The following PID1 variants were observed in gnomAD, a reference collection of about 807,000 sequenced individuals.
The protein encoded by PID1 is phosphotyrosine interaction domain containing 1.
PID1 carries 10 observed loss-of-function variants against 19.1 expected under a neutral mutation model. The observed-to-expected ratio is 0.52, with a 90% CI of 0.32 to 0.89. The LOEUF (loss-of-function observed/expected upper bound fraction) is 0.89. Among genes scored for constraint, PID1 ranks in the 40% least tolerant of loss-of-function variants. The probability of loss-of-function intolerance (pLI) is 0.03; values close to 1 mark genes in which losing one functional copy is unlikely to be tolerated. For missense variants in PID1, 248 were observed against 285.3 expected (o/e 0.87, Z 0.94); for synonymous variants, 130 against 116.0 (o/e 1.12, Z -0.78).
chr2:229,156,239 T>G (rs966725696), intron 1 of PID1, among the ~76,000 whole-genome samples: 1 of 152,188 alleles, frequency 6.6e-6, no homozygotes, highest in Non-Finnish European at 1.5e-5. Flanking sequence ...TGAGAAGCTC[T>G]TCCAACGTAC....
rs1689787738 is a variant in PID1, at chr2:229,238,716, G to T, written c.30+32298C>A. Among the ~76,000 whole-genome samples the T allele has an allele frequency of 2.0e-5, 3 of 151,918 alleles. No homozygotes were observed. In the South Asian group the frequency reaches 6.3e-4, roughly 32 times the overall value. ...AACGAGTAAGTCTCTGGCCTCACAG[G>T]GAAGACATGGGCAGGGATAAGAGGA... On this transcript the variant is annotated intron_variant, in intron 1 of 2. Transcript: ENST00000392055.
At chr2:229,085,856 T>C (rs1400045716) in intron 2 of PID1, among the ~76,000 whole-genome samples, 1 of 152,098 alleles carries the variant, frequency 6.6e-6, no homozygotes, top group Non-Finnish European at 1.5e-5. Context: ...GCTGGGAGCA[T>C]GAGGAAGCAT....
At chr2:229,106,600 C>G (rs1035941298) in intron 2 of PID1, among the ~76,000 whole-genome samples, 3 of 152,166 alleles carry the variant, frequency 2.0e-5, no homozygotes, top group African/African-American at 7.2e-5. Context: ...TTGCTCACCC[C>G]CTCCACCATG....
intron 2 of PID1, among the ~76,000 whole-genome samples, chr2:229,067,789 G>A (rs1246722527): frequency 2.0e-5 from 3 of 152,122 alleles, no homozygotes; most frequent in African/African-American, 7.2e-5. Flanking sequence ...CACACAAGAA[G>A]CTCTGTGGTG....
intron 2 of PID1, among the ~76,000 whole-genome samples, chr2:229,068,818 G>A (rs1226969983): frequency 2.0e-5 from 3 of 152,150 alleles, no homozygotes; most frequent in African/African-American, 7.2e-5. Context: ...CACCCACAGA[G>A]GTTAAGTCAC....
At chr2:229,063,646 CT>C (rs1463639868) in intron 2 of PID1, among the ~76,000 whole-genome samples, 1 of 151,990 alleles carries the variant, frequency 6.6e-6, no homozygotes, top group African/African-American at 2.4e-5. Flanking sequence ...TCCATTTGAT[CT>C]ATAATGTTAT....
At chr2:229,173,879 C>T (rs1266552803) in intron 1 of PID1, among the ~76,000 whole-genome samples, 3 of 152,132 alleles carry the variant, frequency 2.0e-5, no homozygotes, top group Non-Finnish European at 4.4e-5. Flanking sequence ...AGCTCCCTGG[C>T]CCTGCAAGTG....
intron 2 of PID1, among the ~76,000 whole-genome samples, chr2:229,147,405 A>C (rs1351372612): frequency 6.6e-6 from 1 of 152,124 alleles, no homozygotes; most frequent in Non-Finnish European, 1.5e-5. Context: ...ATAAGCAAAA[A>C]AGTAGGAAAA....
intron 1 of PID1, among the ~76,000 whole-genome samples, chr2:229,169,858 G>A (rs1690675358): frequency 6.6e-6 from 1 of 152,142 alleles, no homozygotes; most frequent in East Asian, 1.9e-4. Flanking sequence ...AGATGACTTA[G>A]ACAAACTCCC....
chr2:229,026,058 G>A lies in PID1; in HGVS notation c.228C>T (p.Gly76=). 1 of 1,614,164 alleles carries A rather than the reference G, an allele frequency of 6.2e-7. No individual in the cohort carries two copies. The highest frequency in any genetic ancestry group is 8.5e-7 in the Non-Finnish European group (1 of 1,180,020). ...GCTCAATGACTGGCTTTTCTGTGCA[G>A]CCTGACAAAAACTGCATGCCAGTGG... is the stretch of plus-strand genomic sequence containing the variant. ...VSTTGMQFLS[G]CTEKPVIELW... The change falls in exon 3 of 3, where the codon GGC becomes GGT. Residue 76 remains glycine, a synonymous_variant. Transcript: ENST00000392055.
intron 2 of PID1, among the ~76,000 whole-genome samples, chr2:229,110,824 C>T (rs570061957): frequency 3.9e-5 from 6 of 152,258 alleles, no homozygotes; most frequent in African/African-American, 1.2e-4. Context: ...CTCTTCTGCA[C>T]GTCCTGTGCT....
intron 2 of PID1, among the ~76,000 whole-genome samples, chr2:229,123,479 T>C (rs555999195): frequency 1.5e-4 from 23 of 152,366 alleles, no homozygotes; most frequent in African/African-American, 5.0e-4. Context: ...AATGTTACTA[T>C]GAACATTTGT....
At chr2:229,068,911 TTCCACGATG>T (rs1216753972) in intron 2 of PID1, among the ~76,000 whole-genome samples, 8 of 152,226 alleles carry the variant, frequency 5.3e-5, no homozygotes, top group African/African-American at 1.9e-4. Flanking sequence ...TGTAAACACT[TTCCACGATG>T]TGGTGCAGGC....
At chr2:229,043,773 T>G (rs1693819983) in intron 2 of PID1, among the ~76,000 whole-genome samples, 1 of 152,308 alleles carries the variant, frequency 6.6e-6, no homozygotes, top group Middle Eastern at 3.4e-3. Flanking sequence ...TTCCTTCTGA[T>G]TCATTCAGAA....
At chr2:229,221,779 T>G (rs1021085370) in intron 1 of PID1, among the ~76,000 whole-genome samples, 11 of 152,166 alleles carry the variant, frequency 7.2e-5, no homozygotes, top group African/African-American at 2.7e-4. Flanking sequence ...CCCAGTAAAC[T>G]CAACACGGAA....
At position 229,068,535 on chromosome 2, in the gene PID1, G is replaced by A. The variant is rs114773885; in HGVS notation, c.178-42427C>T. Among the ~76,000 whole-genome samples the A allele has an allele frequency of 5.3e-3, 803 of 152,232 alleles. 9 individuals are homozygous for A. Among genetic ancestry groups the A allele is most frequent in the African/African-American group, 0.019 (785 of 41,536 alleles). ...GGGTGTCAAGGTTCCTTTCCACTAC[G>A]TCATTTTGTCAGTTACAGGTATTTG... On this transcript the variant is annotated intron_variant, in intron 2 of 2. Coordinates refer to ENST00000392055, the MANE Select transcript of PID1 (RefSeq NM_001100818.2).
At chr2:229,072,315 G>T (rs144012927) in intron 2 of PID1, among the ~76,000 whole-genome samples, 2 of 152,286 alleles carry the variant, frequency 1.3e-5, no homozygotes, top group African/African-American at 4.8e-5. Context: ...TAGGCCAGGC[G>T]TGGTGGCTCA....
At chr2:229,140,195 T>C (rs898091235) in intron 2 of PID1, among the ~76,000 whole-genome samples, 13 of 152,274 alleles carry the variant, frequency 8.5e-5, no homozygotes, top group African/African-American at 2.9e-4. Context: ...TTCAAAAATA[T>C]GAAATAAATT....
intron 2 of PID1, among the ~76,000 whole-genome samples, chr2:229,110,306 A>G (rs1362521941): frequency 2.0e-5 from 3 of 152,202 alleles, no homozygotes. Context: ...TGGGAAGACA[A>G]GCTAAGAGGA....
Sources: allele counts gnomAD v4.1 joint callset (sites outside exome capture counted in the v4.1 genomes callset), GRCh38; gene constraint gnomAD v4.1.1; transcripts MANE v1.5; gene names NCBI Gene and HGNC (gene_info 2026-07-23, HGNC 2026-07-21).